The following ICA1 variants were observed in gnomAD, a reference collection of about 807,000 sequenced individuals.
The protein encoded by ICA1 is 69 kDa islet cell autoantigen.
In ICA1, 40 loss-of-function variants were observed where a neutral mutation model predicts 71.0. The observed-to-expected ratio is 0.56, with a 90% CI of 0.44 to 0.73. The LOEUF (loss-of-function observed/expected upper bound fraction) is 0.73. ICA1 is among the 30% of genes least tolerant of loss of function. The pLI is 0.00. For missense variants in ICA1, 578 were observed against 576.5 expected, an observed-to-expected ratio of 1.00 and a Z score of -0.03; for synonymous variants, 207 against 209.5, an observed-to-expected ratio of 0.99 and a Z score of 0.10.
chr7:8,213,993 C>G (rs1583320958), intron 6 of ICA1, among the ~76,000 whole-genome samples: 2 of 152,180 alleles, frequency 1.3e-5, no homozygotes, highest in African/African-American at 2.4e-5. Context: ...TGATGAAACA[C>G]TAGACAAATG....
chr7:8,151,367 C>A (rs1451625593), intron 8 of ICA1, among the ~76,000 whole-genome samples: 1 of 152,192 alleles, frequency 6.6e-6, no homozygotes, highest in East Asian at 1.9e-4. Context: ...TCCGGCTCGT[C>A]CCCCTCAGAT....
chr7:8,239,516 GA>G (rs1240347667), intron 1 of ICA1, among the ~76,000 whole-genome samples: 2 of 152,228 alleles, frequency 1.3e-5, no homozygotes, highest in African/African-American at 4.8e-5. Flanking sequence ...ATTTCCAGCT[GA>G]GGTACCTGGT....
At chr7:8,257,416 G>A (rs944910351) in intron 1 of ICA1, among the ~76,000 whole-genome samples, 2 of 152,230 alleles carry the variant, frequency 1.3e-5, no homozygotes, top group Non-Finnish European at 2.9e-5. Context: ...GGTAAGAGAT[G>A]GATTTCAATA....
intron 13 of ICA1, among the ~76,000 whole-genome samples, chr7:8,122,814 T>C (rs990858478): frequency 3.9e-5 from 6 of 152,244 alleles, no homozygotes; most frequent in Non-Finnish European, 7.3e-5. Flanking sequence ...CAAGGCTGTA[T>C]GTTTTTGGGA....
chr7:8,200,338 C>CAAAAAAAA (rs34371233), intron 6 of ICA1, among the ~76,000 whole-genome samples: 10 of 67,932 alleles, frequency 1.5e-4, no homozygotes, highest in Admixed American at 4.5e-4. Flanking sequence ...CACAGTTGAG[C>CAAAAAAAA]AAAAAAAAAA....
intron 13 of ICA1, among the ~76,000 whole-genome samples, chr7:8,124,284 C>T (rs1051071182): frequency 4.0e-5 from 6 of 151,404 alleles, no homozygotes; most frequent in Non-Finnish European, 1.5e-5. Context: ...GCATGCCCAG[C>T]TAATTTTTGT....
rs199763617 is a variant in ICA1 at position 8,114,074 on chromosome 7, C to T, written c.1331-30G>A. The T allele has an allele frequency of 1.4e-5, 23 of 1,613,796 alleles. No individual in the cohort carries two copies. In the East Asian group the frequency reaches 2.0e-4, roughly 14 times the overall value. ...GGAGAGAAGAGGAAACATGAGCAAA[C>T]GCACCTTCCAAATGTCCACCTCTGC... On this transcript the variant is annotated intron_variant, in intron 13 of 13. Transcript: ENST00000402384.
chr7:8,158,412 A>G (rs1192711000), intron 7 of ICA1, 115 bp downstream of exon 7: 1 of 1,297,794 alleles, frequency 7.7e-7, no homozygotes, highest in Non-Finnish European at 1.1e-6. Flanking sequence ...GAAATTACGG[A>G]AAGGCATTCA....
chr7:8,152,271 T>G (rs1315454764), intron 8 of ICA1, among the ~76,000 whole-genome samples: 3 of 151,960 alleles, frequency 2.0e-5, no homozygotes, highest in Non-Finnish European at 2.9e-5. Context: ...CACATAAAAC[T>G]GACAATCTAG....
At chr7:8,199,645 C>A (rs1396482170) in intron 6 of ICA1, among the ~76,000 whole-genome samples, 1 of 152,148 alleles carries the variant, frequency 6.6e-6, no homozygotes, top group Non-Finnish European at 1.5e-5. Flanking sequence ...ACCCAGGAGG[C>A]AGAGGTTGCA....
chr7:8,137,661 A>G (rs1377775630), intron 12 of ICA1, among the ~76,000 whole-genome samples: 1 of 152,254 alleles, frequency 6.6e-6, no homozygotes, highest in African/African-American at 2.4e-5. Context: ...ATAAATGATT[A>G]GTCATTTTGA....
chr7:8,155,324 T>C (rs991023684), intron 8 of ICA1, among the ~76,000 whole-genome samples: 2 of 152,254 alleles, frequency 1.3e-5, no homozygotes, highest in Non-Finnish European at 2.9e-5. Flanking sequence ...CCTGAACCAC[T>C]GCTGTCAAAC....
In ICA1 at chr7:8,222,352, T is replaced by C. The variant is rs537995886; in HGVS notation, c.257-954A>G. On this transcript the variant is annotated intron_variant, in intron 4 of 13. Coordinates refer to ENST00000402384, the MANE Select transcript of ICA1 (RefSeq NM_001136020.3). This position sits in a 1 kb window ranked among gnomAD's most constrained non-coding sequence, Gnocchi z 4.8. ...ACACTTAGCTTCCTCGGATGTGCTTTCCCCCTAAACACAGCATTTACTATC... is the reference window on the plus strand; with the variant it reads ...ACACTTAGCTTCCTCGGATGTGCTTCCCCCCTAAACACAGCATTTACTATC... 6.6e-6 allele frequency among the ~76,000 whole-genome samples: 1 copy of C among 152,256 alleles called. No individual in the cohort carries two copies. Among genetic ancestry groups the C allele is most frequent in the African/African-American group, 2.4e-5 (1 of 41,550 alleles).
At chr7:8,238,690 G>T (rs1298923614) in intron 1 of ICA1, among the ~76,000 whole-genome samples, 1 of 152,028 alleles carries the variant, frequency 6.6e-6, no homozygotes, top group Non-Finnish European at 1.5e-5. Context: ...CCTTCATAGT[G>T]TAAGTTCTTA....
At chr7:8,163,470 T>C (rs1434716848) in intron 6 of ICA1, among the ~76,000 whole-genome samples, 1 of 152,238 alleles carries the variant, frequency 6.6e-6, no homozygotes, top group African/African-American at 2.4e-5. Context: ...GAGTATCTTC[T>C]ATATGCTGGT....
In ICA1 at chr7:8,113,679, C is replaced by T. The variant is rs556872006; in HGVS notation, c.*244G>A. ...CCATGATGGGATGTAGGCAGGAGAG[C>T]GGTGGCCTGGAAACCGCTTCTAGAC... is the stretch of plus-strand genomic sequence containing the variant. On this transcript the variant is annotated 3_prime_UTR_variant, in exon 14 of 14. Transcript: ENST00000402384. The surrounding 1 kb of genome is among the most constrained non-coding windows in gnomAD (Gnocchi z 4.2). 79 of 367,796 alleles carry T rather than the reference C, an allele frequency of 2.1e-4. No individual in the cohort carries two copies. Among genetic ancestry groups the T allele is most frequent in the South Asian group, 9.6e-4 (28 of 29,178 alleles). 22.8% of individuals were successfully genotyped at this position (367,796 alleles called of 1,614,324 possible). A position where few individuals can be genotyped will look rare whatever the true frequency, so the allele number is the denominator to read the frequency against.
chr7:8,127,900 T>C lies in ICA1; in HGVS notation c.1303A>G (p.Met435Val), dbSNP rs770733827. The change falls in exon 13 of 14, where the codon ATG (methionine) becomes GTG (valine). Residue 435 changes from methionine to valine, a missense_variant. Physicochemically the swap from Met to Val is conservative, Grantham distance 21. Transcript: ENST00000402384. ...FLPSQLLDQN[M>V]KDLQASLQEP... ...TGTAGCGAGGCCTGTAAGTCTTTCA[T>C]ATTTTGGTCTAAAAGCTGCGAAGGA... is the stretch of plus-strand genomic sequence containing the variant. 5.0e-6 allele frequency: 8 copies of C among 1,614,024 alleles called. No individual in the cohort carries two copies. The African/African-American group carries it at 9.3e-5, about 19-fold the overall frequency.
At chr7:8,250,082 G>A (rs756172450) in intron 1 of ICA1, among the ~76,000 whole-genome samples, 1 of 152,110 alleles carries the variant, frequency 6.6e-6, no homozygotes, top group Admixed American at 6.5e-5. Context: ...TGATGAACAG[G>A]GGAAATACTG....
At position 8,158,616 on chromosome 7, in the gene ICA1, CAA is replaced by C; in HGVS notation, c.614_615del (p.Phe205Ter). 1 of 1,613,934 alleles carries C rather than the reference CAA, an allele frequency of 6.2e-7. No homozygotes were observed. Among genetic ancestry groups the C allele is most frequent in the Non-Finnish European group, 8.5e-7 (1 of 1,179,920 alleles). On this transcript the variant is annotated frameshift_variant, in exon 7 of 14. Coordinates refer to ENST00000402384, the MANE Select transcript of ICA1 (RefSeq NM_001136020.3). LOFTEE classifies it high-confidence loss of function. The stretch of plus-strand genomic sequence containing the variant: ...TGACAAACATCCATCTTCAATTTGT[CAA>C]AGTTTTTTTTTGCAAGGCGCACTTG... ...QTQVRLAKKN[F>X]DKLKMDVCQK...
Sources: allele counts gnomAD v4.1 joint callset (sites outside exome capture counted in the v4.1 genomes callset), GRCh38; gene constraint gnomAD v4.1.1; non-coding constraint Gnocchi (gnomAD v3.1); transcripts MANE v1.5; gene names NCBI Gene and HGNC (gene_info 2026-07-23, HGNC 2026-07-21).